Variants in HDLBP observed in about 807,000 individuals in gnomAD.
HDLBP encodes the protein high density lipoprotein binding protein, also known as vigilin.
Under a neutral mutation model 137.3 loss-of-function variants are expected in HDLBP, and 30 were observed. The observed-to-expected ratio is 0.22, with a 90% CI of 0.16 to 0.30. The LOEUF is 0.30. Among genes scored for constraint, HDLBP ranks in the 10% least tolerant of loss-of-function variants. The pLI is 1.00. For synonymous variants in HDLBP, 606 were observed against 596.0 expected (o/e 1.02, Z -0.24); for missense variants, 1,119 against 1,667.3 (o/e 0.67, Z 5.73).
At chr2:241,276,704 A>T (rs2074399346) in intron 1 of HDLBP, among the ~76,000 whole-genome samples, 1 of 152,204 alleles carries the variant, frequency 6.6e-6, no homozygotes, top group African/African-American at 2.4e-5. Context: ...GATAAAAATC[A>T]TTATTAAGAA....
intron 1 of HDLBP, among the ~76,000 whole-genome samples, chr2:241,279,466 G>A (rs1203118307): frequency 2.6e-5 from 4 of 152,198 alleles, no homozygotes; most frequent in African/African-American, 9.6e-5. Context: ...ACAACGTGGA[G>A]GAGGGCTTGC....
intron 23 of HDLBP, among the ~76,000 whole-genome samples, chr2:241,234,720 T>C (rs947741317): frequency 3.3e-5 from 5 of 152,174 alleles, no homozygotes; most frequent in African/African-American, 1.2e-4. Flanking sequence ...TCATCCCTGC[T>C]TACCAGGAAG....
intron 12 of HDLBP, among the ~76,000 whole-genome samples, chr2:241,249,199 G>A (rs2071916108): frequency 6.6e-6 from 1 of 152,150 alleles, no homozygotes; most frequent in Non-Finnish European, 1.5e-5. Flanking sequence ...GTACTGGGGT[G>A]AGGTGAACAA....
At chr2:241,250,265 C>T (rs562599636) in intron 11 of HDLBP, 314 of 287,312 alleles carry the variant, frequency 1.1e-3, no homozygotes, top group Non-Finnish European at 1.7e-3. Flanking sequence ...GCCACTCAGT[C>T]TGGGATTTAG....
intron 1 of HDLBP, among the ~76,000 whole-genome samples, chr2:241,310,372 TAGTA>T (rs1023804742): frequency 3.9e-5 from 6 of 152,182 alleles, no homozygotes; most frequent in African/African-American, 1.4e-4. Context: ...ACGGTGAATA[TAGTA>T]AATAATAATG....
chr2:241,260,576 G>A lies in HDLBP; in HGVS notation c.450+2135C>T, dbSNP rs138617563. On this transcript the variant is annotated intron_variant, in intron 5 of 27. Coordinates refer to ENST00000310931, the MANE Select transcript of HDLBP (RefSeq NM_005336.6). ...ATCAACTAATGTATGAGCAGGGAGA[G>A]AATTAGAAAAGCATAATTTGCAACC... Among the ~76,000 whole-genome samples the A allele has an allele frequency of 5.8e-3, 890 of 152,298 alleles. 16 individuals carry two copies. The highest frequency in any genetic ancestry group is 0.019 in the African/African-American group (799 of 41,544).
At chr2:241,292,071 G>GT (rs1315600449) in intron 1 of HDLBP, among the ~76,000 whole-genome samples, 1 of 152,174 alleles carries the variant, frequency 6.6e-6, no homozygotes, top group Non-Finnish European at 1.5e-5. Context: ...TAGAGAACTG[G>GT]TTGATAAAGA....
intron 1 of HDLBP, among the ~76,000 whole-genome samples, chr2:241,286,012 C>A (rs550596705): frequency 7.0e-4 from 107 of 152,258 alleles, no homozygotes; most frequent in African/African-American, 2.5e-3. Flanking sequence ...AAGAGCAAGA[C>A]CTGTTTGTTT....
rs1384832289 is a variant in HDLBP at position 241,256,293 on chromosome 2, C to T, written c.764G>A (p.Arg255His). The change falls in exon 7 of 28, where the codon CGC (arginine) becomes CAC (histidine). Residue 255 changes from arginine to histidine, a missense_variant. Arg to His is a conservative substitution (Grantham distance 29). Around this residue, in one of 4 missense-constraint regions of HDLBP, gnomAD observed 425 missense variants for 693.9 expected, o/e 0.61. Coordinates refer to ENST00000310931, the MANE Select transcript of HDLBP (RefSeq NM_005336.6). ...VGEIMQETGT[R>H]INIPPPSVNR... ...CACGCTGGGTGGGGGGATGTTGATG[C>T]GCGTGCCTGTCTCCTGCATGATCTC... is the stretch of plus-strand genomic sequence containing the variant. The T allele has an allele frequency of 1.2e-6, 2 of 1,614,030 alleles. No individual in the cohort carries two copies.
intron 21 of HDLBP, 134 bp downstream of exon 21, chr2:241,236,481 G>A (rs765824079): frequency 2.0e-5 from 17 of 869,890 alleles, no homozygotes; most frequent in South Asian, 6.2e-5. Context: ...GTGCGCACAC[G>A]GTAGGAGCAA....
In HDLBP at chr2:241,229,479, C is replaced by T. The variant is rs2069455175; in HGVS notation, c.*122G>A. The T allele has an allele frequency of 1.2e-5, 9 of 741,310 alleles. No individual in the cohort carries two copies. The highest frequency in any genetic ancestry group is 9.0e-5 in the South Asian group (5 of 55,812). 45.9% of individuals were successfully genotyped at this position (741,310 alleles called of 1,614,324 possible). Reference sequence around the variant, plus strand: ...AGGCGCTAGGCTCCCTGCGGGACCTCGGGAAGGGGGAAGAGCGTCAACAAT... The same window carrying T: ...AGGCGCTAGGCTCCCTGCGGGACCTTGGGAAGGGGGAAGAGCGTCAACAAT... On this transcript the variant is annotated 3_prime_UTR_variant, in exon 28 of 28. Coordinates refer to ENST00000310931, the MANE Select transcript of HDLBP (RefSeq NM_005336.6).
chr2:241,235,617 T>C, intron 21 of HDLBP, 23 bp from the exon 22 acceptor site: 1 of 1,561,352 alleles, frequency 6.4e-7, no homozygotes, highest in South Asian at 1.1e-5. Context: ...TGGTCATGGT[T>C]AGGCCGTGGG....
chr2:241,285,969 T>C (rs2074790275), intron 1 of HDLBP, among the ~76,000 whole-genome samples: 1 of 152,168 alleles, frequency 6.6e-6, no homozygotes, highest in Non-Finnish European at 1.5e-5. Context: ...TGCAGTGAGT[T>C]ACAATCGTGC....
At chr2:241,291,178 G>A (rs373772285) in intron 1 of HDLBP, among the ~76,000 whole-genome samples, 3 of 152,328 alleles carry the variant, frequency 2.0e-5, no homozygotes, top group East Asian at 3.9e-4. Flanking sequence ...ATAGGTAAGC[G>A]AGTTAATATC....
chr2:241,272,754 C>G lies in HDLBP; in HGVS notation c.-102-4213G>C, dbSNP rs1390422552. Reference sequence around the variant, plus strand: ...CCAGGCCTCCCAGCCCCGTGTTGCGCGCTCACTCGTGGGCCCCCGCCCGCT... The same window carrying G: ...CCAGGCCTCCCAGCCCCGTGTTGCGGGCTCACTCGTGGGCCCCCGCCCGCT... On this transcript the variant is annotated intron_variant, in intron 1 of 27. Coordinates refer to ENST00000310931, the MANE Select transcript of HDLBP (RefSeq NM_005336.6). The surrounding 1 kb of genome is among the most constrained non-coding windows in gnomAD (Gnocchi z 5.6). 1 of 347,148 alleles carries G rather than the reference C, an allele frequency of 2.9e-6. No homozygotes were observed. Among genetic ancestry groups the G allele is most frequent in the Non-Finnish European group, 4.0e-6 (1 of 250,968 alleles). 21.5% of individuals were successfully genotyped at this position (347,148 alleles called of 1,614,324 possible).
At chr2:241,278,450 G>C (rs985137958) in intron 1 of HDLBP, among the ~76,000 whole-genome samples, 2 of 152,126 alleles carry the variant, frequency 1.3e-5, no homozygotes, top group Admixed American at 1.3e-4. Flanking sequence ...GGGCATGGTG[G>C]CACATGCCTG....
rs145044021 is a variant in HDLBP at position 241,280,080 on chromosome 2, T to C, written c.-102-11539A>G. On this transcript the variant is annotated intron_variant, in intron 1 of 27. Transcript: ENST00000310931. Reference sequence around the variant, plus strand: ...CTTCCTTGGCAGCAGTGCAGTCTTATAGGAAGTTATTGGCACCATGGGATG... The same window carrying C: ...CTTCCTTGGCAGCAGTGCAGTCTTACAGGAAGTTATTGGCACCATGGGATG... 1.3e-3 allele frequency: 1,240 copies of C among 985,348 alleles called. 20 individuals carry two copies. In the African/African-American group the frequency reaches 0.02, roughly 16 times the overall value. The allele number at this position is 985,348 out of a possible 1,614,324, so 61.0% of individuals were successfully genotyped here.
At chr2:241,266,756 T>C (rs773824477) in intron 3 of HDLBP, 38 bp downstream of exon 3, 1 of 1,283,404 alleles carries the variant, frequency 7.8e-7, no homozygotes, top group Non-Finnish European at 1.1e-6. Flanking sequence ...AGCAATGCCT[T>C]AGACATTACC....
At chr2:241,314,196 C>CTAA (rs150736016) in intron 1 of HDLBP, among the ~76,000 whole-genome samples, 4,780 of 152,220 alleles carry the variant, frequency 0.031, 109 homozygotes, top group East Asian at 0.1. Flanking sequence ...GCCAAGCATC[C>CTAA]TAATATCATG....
Sources: allele counts gnomAD v4.1 joint callset (sites outside exome capture counted in the v4.1 genomes callset), GRCh38; gene constraint gnomAD v4.1.1; regional missense constraint gnomAD v4.1.1; non-coding constraint Gnocchi (gnomAD v3.1); transcripts MANE v1.5; gene names NCBI Gene and HGNC (gene_info 2026-07-23, HGNC 2026-07-21).